The following PTPRG variants were observed in gnomAD, a reference collection of about 807,000 sequenced individuals.
PTPRG encodes protein tyrosine phosphatase receptor type G.
A neutral mutation model predicts 165.3 loss-of-function variants in PTPRG; 102 were observed. The ratio of observed to expected loss-of-function variants is 0.62; its 90% CI spans 0.53 to 0.73. PTPRG has a LOEUF of 0.73. Among genes scored for constraint, PTPRG ranks in the 30% least tolerant of loss-of-function variants. The probability of loss-of-function intolerance (pLI) is 0.00; values close to 1 mark genes in which losing one functional copy is unlikely to be tolerated. For synonymous variants in PTPRG, 675 were observed against 669.5 expected, an observed-to-expected ratio of 1.01 and a Z score of -0.13; for missense variants, 1,866 against 1,861.4, an observed-to-expected ratio of 1.00 and a Z score of -0.05.
At chr3:61,949,515 G>A (rs562886484) in intron 2 of PTPRG, among the ~76,000 whole-genome samples, 2 of 152,236 alleles carry the variant, frequency 1.3e-5, no homozygotes, top group Middle Eastern at 3.4e-3. Flanking sequence ...ATGCCTCAAT[G>A]AGGGTCTAGT....
intron 12 of PTPRG, among the ~76,000 whole-genome samples, chr3:62,207,130 G>T (rs549703328): frequency 1.4e-4 from 21 of 152,334 alleles, no homozygotes; most frequent in African/African-American, 5.1e-4. Context: ...AAGGGCCAGA[G>T]AGTAAATGTT....
intron 1 of PTPRG, among the ~76,000 whole-genome samples, chr3:61,630,553 T>C (rs1701746134): frequency 6.6e-6 from 1 of 152,288 alleles, no homozygotes; most frequent in South Asian, 2.1e-4. Flanking sequence ...CTGTTTTTCT[T>C]TGGAGAGCTC....
At chr3:62,026,984 A>G (rs2041819461) in intron 4 of PTPRG, among the ~76,000 whole-genome samples, 1 of 151,956 alleles carries the variant, frequency 6.6e-6, no homozygotes, top group East Asian at 1.9e-4. Context: ...ATATGGGCAA[A>G]TGAATAGGAG....
At chr3:61,764,280 T>G (rs1156304233) in intron 2 of PTPRG, among the ~76,000 whole-genome samples, 5 of 152,028 alleles carry the variant, frequency 3.3e-5, no homozygotes, top group Non-Finnish European at 1.5e-5. Context: ...ATACAGTGAG[T>G]GGAGCGTAGA....
intron 6 of PTPRG, among the ~76,000 whole-genome samples, chr3:62,156,637 A>G (rs1410657501): frequency 1.3e-5 from 2 of 152,138 alleles, no homozygotes; most frequent in African/African-American, 4.8e-5. Context: ...AGTTTGTTCC[A>G]CTGATTATCT....
chr3:61,853,206 A>C (rs1014185055), intron 2 of PTPRG, among the ~76,000 whole-genome samples: 6 of 152,170 alleles, frequency 3.9e-5, no homozygotes, highest in Non-Finnish European at 7.4e-5. Context: ...AGAAAATGGA[A>C]ATTTTAGAGA....
chr3:61,883,975 C>T (rs578211803), intron 2 of PTPRG, among the ~76,000 whole-genome samples: 12 of 152,132 alleles, frequency 7.9e-5, no homozygotes, highest in Non-Finnish European at 1.5e-4. Context: ...CTTGGCCTTC[C>T]GAAGTGTTGG....
At chr3:62,261,641 T>C (rs1000129421) in intron 16 of PTPRG, among the ~76,000 whole-genome samples, 2 of 151,728 alleles carry the variant, frequency 1.3e-5, no homozygotes, top group African/African-American at 4.8e-5. Context: ...ACTATAATTA[T>C]GGAAACTTCA....
intron 1 of PTPRG, among the ~76,000 whole-genome samples, chr3:61,604,806 T>C (rs1700957673): frequency 6.6e-6 from 1 of 151,998 alleles, no homozygotes; most frequent in Non-Finnish European, 1.5e-5. Context: ...TGTGGCAAAG[T>C]AGGAGAGAAG....
intron 2 of PTPRG, among the ~76,000 whole-genome samples, chr3:61,908,785 T>C (rs1575774091): frequency 1.3e-5 from 2 of 152,166 alleles, no homozygotes; most frequent in Non-Finnish European, 2.9e-5. Flanking sequence ...AGAAAGAACA[T>C]CAATTATGTT....
At chr3:61,995,076 C>CTTTT (rs1487681504) in intron 3 of PTPRG, among the ~76,000 whole-genome samples, 1 of 113,618 alleles carries the variant, frequency 8.8e-6, no homozygotes, top group Non-Finnish European at 1.8e-5. Context: ...TTTTTCTTTT[C>CTTTT]TTTCTTTCTT....
intron 1 of PTPRG, among the ~76,000 whole-genome samples, chr3:61,668,044 A>C (rs1280496804): frequency 6.6e-5 from 10 of 152,172 alleles, no homozygotes; most frequent in Non-Finnish European, 1.2e-4. Flanking sequence ...CAACAGTAGA[A>C]ATGAGTGTTT....
chr3:61,977,405 A>G (rs752995081), intron 2 of PTPRG, among the ~76,000 whole-genome samples: 3 of 152,194 alleles, frequency 2.0e-5, no homozygotes, highest in Non-Finnish European at 2.9e-5. Flanking sequence ...TTATAGAAGT[A>G]TTACATGTAT....
chr3:61,818,138 T>C (rs1462944769), intron 2 of PTPRG, among the ~76,000 whole-genome samples: 1 of 152,172 alleles, frequency 6.6e-6, no homozygotes, highest in East Asian at 1.9e-4. Context: ...ATATTTATTT[T>C]ACATTAAAAA....
intron 2 of PTPRG, among the ~76,000 whole-genome samples, chr3:61,944,181 T>C (rs971949028): frequency 6.6e-6 from 1 of 152,176 alleles, no homozygotes; most frequent in Non-Finnish European, 1.5e-5. Flanking sequence ...ACCCACTAGA[T>C]AACTGCTGTG....
At chr3:61,705,731 G>A (rs2031215631) in intron 1 of PTPRG, among the ~76,000 whole-genome samples, 1 of 152,160 alleles carries the variant, frequency 6.6e-6, no homozygotes, top group Non-Finnish European at 1.5e-5. Context: ...GGGATTAAAT[G>A]CTTATTACTG....
At chr3:62,064,329 T>TG (rs1700927929) in intron 4 of PTPRG, among the ~76,000 whole-genome samples, 1 of 152,164 alleles carries the variant, frequency 6.6e-6, no homozygotes, top group African/African-American at 2.4e-5. Flanking sequence ...ACACAAACTA[T>TG]ACTGAGTTGT....
Position 62,201,495 on chromosome 3 carries a change from T to C in PTPRG, c.1328-10T>C, listed in dbSNP as rs1479279219. On this transcript the variant is annotated splice_polypyrimidine_tract_variant and intron_variant, in intron 10 of 29. Coordinates refer to ENST00000474889, the MANE Select transcript of PTPRG (RefSeq NM_002841.4). ...TTATATTGCTTAAATGTAATTTCTT[T>C]GTTTCTCAGCTAATACCACTCGAAT... The C allele has an allele frequency of 1.3e-6, 2 of 1,593,442 alleles. No individual in the cohort carries two copies. The highest frequency in any genetic ancestry group is 1.7e-6 in the Non-Finnish European group (2 of 1,168,514).
intron 5 of PTPRG, among the ~76,000 whole-genome samples, chr3:62,116,356 G>A (rs528297630): frequency 1.3e-5 from 2 of 152,138 alleles, no homozygotes; most frequent in Admixed American, 1.3e-4. Context: ...TTTATTGGCC[G>A]GAAATCTTCT....
Sources: allele counts gnomAD v4.1 joint callset (sites outside exome capture counted in the v4.1 genomes callset), GRCh38; gene constraint gnomAD v4.1.1; transcripts MANE v1.5; gene names NCBI Gene and HGNC (gene_info 2026-07-23, HGNC 2026-07-21).